PLAC1: variants seen among roughly 807,000 people sequenced by gnomAD.
PLAC1 encodes placenta-specific protein 1.
For missense variants in PLAC1, 136 were observed against 163.2 expected, an observed-to-expected ratio of 0.83 and a Z score of 0.91; for synonymous variants, 68 against 62.1, an observed-to-expected ratio of 1.09 and a Z score of -0.44.
intron 2 of PLAC1, among the ~76,000 whole-genome samples, chrX:134,697,891 A>G (rs753485185): frequency 9.0e-6 from 1 of 111,289 alleles, no homozygotes; most frequent in African/African-American, 3.3e-5. Context: ...CAAAAAAACA[A>G]AAACTACCAT....
chrX:134,590,658 C>T (rs1333456785), intron 2 of PLAC1, among the ~76,000 whole-genome samples: 1 of 111,499 alleles, frequency 9.0e-6, no homozygotes, highest in Admixed American at 9.5e-5. Flanking sequence ...CTCTGTCACC[C>T]AGGCTGGAGT....
intron 2 of PLAC1, among the ~76,000 whole-genome samples, chrX:134,705,149 G>A (rs947697497): frequency 5.9e-5 from 6 of 101,938 alleles, no homozygotes; most frequent in South Asian, 4.4e-4. Context: ...GGCCAGGCAC[G>A]GTGGCTCACG....
chrX:134,613,188 A>G (rs2078162520), intron 1 of PLAC1, among the ~76,000 whole-genome samples: 1 of 110,839 alleles, frequency 9.0e-6, no homozygotes, highest in South Asian at 3.9e-4. Flanking sequence ...TCTGAGAAAG[A>G]AATGCACAGG....
intron 2 of PLAC1, among the ~76,000 whole-genome samples, chrX:134,716,958 T>C (rs1182586360): frequency 1.8e-5 from 2 of 112,107 alleles, no homozygotes; most frequent in African/African-American, 3.2e-5. Context: ...TGTAATGCAC[T>C]TACCCAGTGC....
chrX:134,705,380 T>C (rs1479979632), intron 2 of PLAC1, among the ~76,000 whole-genome samples: 1 of 91,917 alleles, frequency 1.1e-5, no homozygotes, highest in Non-Finnish European at 2.1e-5. Flanking sequence ...ATCACATCAC[T>C]GGATTCCAGC....
chrX:134,746,451 G>A (rs1233085826), intron 1 of PLAC1, among the ~76,000 whole-genome samples: 1 of 111,342 alleles, frequency 9.0e-6, no homozygotes, highest in Non-Finnish European at 1.9e-5. Flanking sequence ...GAAACATCTT[G>A]GTAAAGGCAG....
At chrX:134,698,723 A>T (rs1186823676) in intron 2 of PLAC1, among the ~76,000 whole-genome samples, 1 of 111,562 alleles carries the variant, frequency 9.0e-6, no homozygotes. Context: ...TATGCTGATG[A>T]CTACTAAATT....
chrX:134,604,198 C>T lies in PLAC1; in HGVS notation c.-130-2076G>A, dbSNP rs148852478. 4.4e-3 allele frequency among the ~76,000 whole-genome samples: 491 copies of T among 112,621 alleles called. 4 individuals carry two copies. The highest frequency in any genetic ancestry group is 0.015 in the African/African-American group (470 of 31,046). On this transcript the variant is annotated intron_variant, in intron 1 of 2. Coordinates refer to ENST00000359237, the MANE Select transcript of PLAC1 (RefSeq NM_021796.4). ...TCACATGCTGAAATGGTTTCATTGG[C>T]CTGGGAGATGAGTCAGAATTTTGGA...
intron 2 of PLAC1, among the ~76,000 whole-genome samples, chrX:134,729,707 C>T (rs1174492104): frequency 1.8e-5 from 2 of 112,215 alleles, no homozygotes; most frequent in African/African-American, 3.2e-5. Context: ...GAAACAAAGG[C>T]CCAGAAAAGA....
intron 2 of PLAC1, among the ~76,000 whole-genome samples, chrX:134,587,319 G>T (rs1376603710): frequency 1.8e-5 from 2 of 110,604 alleles, no homozygotes; most frequent in Non-Finnish European, 3.8e-5. Context: ...TTGTGAAGCC[G>T]AGGAAGAAAG....
chrX:134,757,311 A>G (rs1466287154), intron 1 of PLAC1, among the ~76,000 whole-genome samples: 1 of 112,920 alleles, frequency 8.9e-6, no homozygotes, highest in African/African-American at 3.2e-5. Flanking sequence ...CATTGTATAC[A>G]CCTCCTGACG....
At chrX:134,581,476 C>CTTTTTTTTTTTTTTTTTTT (rs35457928) in intron 2 of PLAC1, among the ~76,000 whole-genome samples, 1 of 58,931 alleles carries the variant, frequency 1.7e-5, no homozygotes, top group Non-Finnish European at 2.9e-5. Flanking sequence ...TTCTCAGACT[C>CTTTTTTTTTTTTTTTTTTT]TTTTTTTTTT....
intron 1 of PLAC1, among the ~76,000 whole-genome samples, chrX:134,656,626 C>T (rs1303929272): frequency 9.0e-6 from 1 of 111,418 alleles, no homozygotes; most frequent in Non-Finnish European, 1.9e-5. Context: ...GCTCTGTCCC[C>T]CAGGCTGGAG....
At chrX:134,687,815 C>CATATATAT (rs56675396) in intron 2 of PLAC1, among the ~76,000 whole-genome samples, 5 of 31,143 alleles carry the variant, frequency 1.6e-4, no homozygotes, top group African/African-American at 2.9e-4. Context: ...ACTGAGATAA[C>CATATATAT]ATATATATAT....
chrX:134,696,965 G>A (rs751448908), intron 2 of PLAC1, among the ~76,000 whole-genome samples: 166 of 107,840 alleles, frequency 1.5e-3, no homozygotes, highest in Admixed American at 3.3e-3. Flanking sequence ...CCCGGGAGGC[G>A]GAGCTTGCAG....
intron 1 of PLAC1, among the ~76,000 whole-genome samples, chrX:134,614,909 C>T (rs150702996): frequency 0.013 from 1,396 of 111,498 alleles, 27 homozygotes; most frequent in African/African-American, 0.042. Context: ...CCTCGGCCTC[C>T]CAAAGCATTG....
chrX:134,700,308 T>C (rs2078578501), intron 2 of PLAC1, among the ~76,000 whole-genome samples: 1 of 112,027 alleles, frequency 8.9e-6, no homozygotes, highest in African/African-American at 3.2e-5. Context: ...AATTGGCCCA[T>C]AGAAGATGCT....
At chrX:134,745,347 G>A (rs1359524038) in intron 1 of PLAC1, among the ~76,000 whole-genome samples, 2 of 111,495 alleles carry the variant, frequency 1.8e-5, no homozygotes, top group Admixed American at 9.5e-5. Flanking sequence ...TCCTTGTAGC[G>A]AGGTATAGCT....
chrX:134,747,943 C>T lies in PLAC1; in HGVS notation n.90-14424G>A, dbSNP rs1004495810. On this transcript the variant is annotated intron_variant and non_coding_transcript_variant, in intron 1 of 2. Coordinates refer to the PLAC1 transcript ENST00000466797. ...AACAAACAGGATTTAGAGTTTAAGGCCAAGGTGATCCGGTCAGTTAGTGAC... is the reference window on the plus strand; with the variant it reads ...AACAAACAGGATTTAGAGTTTAAGGTCAAGGTGATCCGGTCAGTTAGTGAC... 4.5e-5 allele frequency among the ~76,000 whole-genome samples: 5 copies of T among 111,661 alleles called. No individual in the cohort carries two copies. In the East Asian group the frequency reaches 1.4e-3, roughly 31 times the overall value.
Sources: gnomAD v4.1 joint callset for allele counts (sites outside exome capture counted in the v4.1 genomes callset) on GRCh38, gnomAD v4.1.1 for gene constraint, MANE v1.5 for transcripts, NCBI Gene and HGNC (gene_info 2026-07-23, HGNC 2026-07-21) for gene names.